The following CDKL5 variants were observed in gnomAD, a reference collection of about 807,000 sequenced individuals.
CDKL5 encodes the protein cyclin-dependent kinase-like 5.
In CDKL5, 8 loss-of-function variants were observed where a neutral mutation model predicts 61.7. That is an observed-to-expected ratio of 0.13 (90% CI 0.08 to 0.23). The LOEUF is 0.23. CDKL5 is among the 10% of genes least tolerant of loss of function. The probability of loss-of-function intolerance (pLI) is 1.00; values close to 1 mark genes in which losing one functional copy is unlikely to be tolerated. For synonymous variants in CDKL5, 275 were observed against 272.3 expected, an observed-to-expected ratio of 1.01 and a Z score of -0.10; for missense variants, 440 against 734.5, an observed-to-expected ratio of 0.60 and a Z score of 4.63.
intron 12 of CDKL5, among the ~76,000 whole-genome samples, chrX:18,608,595 T>C (rs1569220683): frequency 8.9e-6 from 1 of 111,841 alleles, no homozygotes; most frequent in Non-Finnish European, 1.9e-5. Context: ...TCTGCTTGCC[T>C]TAACTTTAAT....
intron 9 of CDKL5, chrX:18,588,922 AAAC>A (rs2147148932): frequency 9.2e-6 from 1 of 109,100 alleles, no homozygotes; most frequent in East Asian, 2.9e-4. Context: ...TCAAAAAAAA[AAAC>A]AAAAACAAAA....
At chrX:18,562,604 T>C (rs1924840668) in intron 3 of CDKL5, among the ~76,000 whole-genome samples, 1 of 112,107 alleles carries the variant, frequency 8.9e-6, no homozygotes, top group African/African-American at 3.2e-5. Context: ...TGTAATGAGT[T>C]TATATTATTT....
intron 1 of CDKL5, among the ~76,000 whole-genome samples, chrX:18,439,219 A>G (rs983729436): frequency 2.7e-5 from 3 of 110,068 alleles, no homozygotes; most frequent in African/African-American, 1.0e-4. Context: ...CCACACTGGT[A>G]AATGAGTAGG....
At chrX:18,529,470 C>T (rs1321923083) in intron 3 of CDKL5, among the ~76,000 whole-genome samples, 1 of 110,854 alleles carries the variant, frequency 9.0e-6, no homozygotes, top group Non-Finnish European at 1.9e-5. Flanking sequence ...ATGCTCTTTT[C>T]TTTCTGTAGA....
intron 1 of CDKL5, among the ~76,000 whole-genome samples, chrX:18,474,354 A>G (rs1052565262): frequency 4.5e-5 from 5 of 111,089 alleles, no homozygotes; most frequent in African/African-American, 1.6e-4. Flanking sequence ...AAACCATCCT[A>G]TTTTCATCTC....
chrX:18,439,394 GGTGTGTGTGTGT>G (rs752724398), intron 1 of CDKL5, among the ~76,000 whole-genome samples: 16 of 101,910 alleles, frequency 1.6e-4, no homozygotes, highest in Admixed American at 4.3e-4. Flanking sequence ...TTCCATAATA[GGTGTGTGTGTGT>G]GTGTGTGTGT....
chrX:18,607,636 G>A (rs1251800775), intron 12 of CDKL5, among the ~76,000 whole-genome samples: 6 of 111,826 alleles, frequency 5.4e-5, no homozygotes, highest in Non-Finnish European at 1.1e-4. Context: ...AAGTTTAAAA[G>A]CACAAAGATA....
chrX:18,628,430 G>A lies in CDKL5; in HGVS notation c.2556G>A (p.Pro852=), dbSNP rs748905018. The A allele has an allele frequency of 9.9e-6, 12 of 1,211,289 alleles. No homozygotes were observed. Among genetic ancestry groups the A allele is most frequent in the Middle Eastern group, 4.6e-4 (2 of 4,348 alleles). Residue 852 remains proline (P), a synonymous_variant, in exon 18 of 18, where the codon CCG becomes CCA. Coordinates refer to ENST00000623535, the MANE Select transcript of CDKL5 (RefSeq NM_001323289.2). ...LLHLSSASNH[P]ASSDPRFQPL... is the part of the protein sequence containing the mutation. ...ATCTCTCTTCGGCCTCAAATCACCC[G>A]GCTTCCTCAGATCCCCGCTTCCAGC...
At chrX:18,475,993 A>G (rs1054754016) in intron 1 of CDKL5, among the ~76,000 whole-genome samples, 2 of 111,803 alleles carry the variant, frequency 1.8e-5, no homozygotes, top group East Asian at 5.6e-4. Flanking sequence ...ATTTATATTG[A>G]TCAGACCTTG....
chrX:18,552,054 A>G (rs1223904995), intron 3 of CDKL5, among the ~76,000 whole-genome samples: 1 of 105,753 alleles, frequency 9.5e-6, no homozygotes, highest in African/African-American at 3.4e-5. Context: ...CCTGGCCAAC[A>G]TGGTGAAACC....
intron 1 of CDKL5, among the ~76,000 whole-genome samples, chrX:18,445,087 T>C (rs1931842986): frequency 9.4e-6 from 1 of 106,506 alleles, no homozygotes; most frequent in Non-Finnish European, 1.9e-5. Context: ...TTTTTTTTTT[T>C]TTTTTTTTGA....
At chrX:18,494,114 C>T (rs1221913289) in intron 1 of CDKL5, among the ~76,000 whole-genome samples, 1 of 112,175 alleles carries the variant, frequency 8.9e-6, no homozygotes. Context: ...CAGGGTTTTG[C>T]CATGTTGCCC....
chrX:18,484,940 G>A (rs1921735478), intron 1 of CDKL5, among the ~76,000 whole-genome samples: 1 of 110,210 alleles, frequency 9.1e-6, no homozygotes, highest in Non-Finnish European at 1.9e-5. Context: ...GTAATTTTTA[G>A]TAGAGCCAGG....
chrX:18,509,105 C>CAT (rs1483076513), intron 2 of CDKL5, among the ~76,000 whole-genome samples: 1 of 96,707 alleles, frequency 1.0e-5, no homozygotes, highest in Non-Finnish European at 2.1e-5. Context: ...CACACACACA[C>CAT]ACACACACAC....
intron 4 of CDKL5, among the ~76,000 whole-genome samples, chrX:18,565,338 A>G (rs1438006318): frequency 8.9e-6 from 1 of 112,051 alleles, no homozygotes; most frequent in Non-Finnish European, 1.9e-5. Flanking sequence ...CTATATGTAA[A>G]TGAAGCAAAA....
intron 11 of CDKL5, among the ~76,000 whole-genome samples, chrX:18,600,918 T>C (rs1426816556): frequency 8.9e-6 from 1 of 112,012 alleles, no homozygotes; most frequent in Non-Finnish European, 1.9e-5. Flanking sequence ...CTTACCACAT[T>C]TTACATATAT....
intron 21 of CDKL5, chrX:18,650,678 G>A: frequency 9.7e-7 from 1 of 1,027,662 alleles, no homozygotes; most frequent in East Asian, 3.0e-5. Context: ...AGATGTTCAG[G>A]CCACACCCCC....
At chrX:18,474,015 C>T (rs745748282) in intron 1 of CDKL5, among the ~76,000 whole-genome samples, 27 of 108,356 alleles carry the variant, frequency 2.5e-4, no homozygotes, top group African/African-American at 7.7e-4. Context: ...ATTACAGGCA[C>T]GTGCCACCAC....
At chrX:18,436,897 C>CAAAAAAA (rs60845430) in intron 1 of CDKL5, among the ~76,000 whole-genome samples, 2 of 15,808 alleles carry the variant, frequency 1.3e-4, no homozygotes, top group African/African-American at 2.0e-4. Context: ...ACTCTTGACT[C>CAAAAAAA]AAAAAAAAAA....
Sources: allele counts gnomAD v4.1 joint callset (sites outside exome capture counted in the v4.1 genomes callset), GRCh38; gene constraint gnomAD v4.1.1; transcripts MANE v1.5; gene names NCBI Gene and HGNC (gene_info 2026-07-23, HGNC 2026-07-21).